The following TRMO variants were observed in gnomAD, a reference collection of about 807,000 sequenced individuals.
TRMO encodes the protein tRNA methyltransferase O.
TRMO carries 30 observed loss-of-function variants against 37.2 expected under a neutral mutation model. The ratio of observed to expected loss-of-function variants is 0.81; its 90% confidence interval spans 0.60 to 1.09. TRMO has a LOEUF of 1.09. TRMO is among the 50% of genes least tolerant of loss of function. The pLI is 0.00. For missense variants in TRMO, 552 were observed against 549.5 expected (o/e 1.00, Z -0.05); for synonymous variants, 239 against 199.4 (o/e 1.20, Z -1.67).
chr9:97,922,376 TA>T (rs970705746), intron 1 of TRMO, 41 bp downstream of exon 1: 5 of 1,396,872 alleles, frequency 3.6e-6, no homozygotes, highest in Non-Finnish European at 4.0e-6. Flanking sequence ...TGCCTGGGCC[TA>T]AACCTCTCCA....
intron 1 of TRMO, among the ~76,000 whole-genome samples, chr9:97,921,961 G>A (rs1367758727): frequency 6.6e-6 from 1 of 152,116 alleles, no homozygotes; most frequent in Non-Finnish European, 1.5e-5. Context: ...TGTGAGTAAA[G>A]AGAAACAAAT....
intron 2 of TRMO, 93 bp downstream of exon 2, chr9:97,916,071 G>A (rs1826344700): frequency 2.3e-6 from 2 of 865,572 alleles, no homozygotes; most frequent in Admixed American, 5.4e-5. Context: ...GGGTGGTCTG[G>A]ATGGCAGACT....
downstream of TRMO, among the ~76,000 whole-genome samples, chr9:97,903,306 C>A (rs931150884): frequency 6.6e-6 from 1 of 152,018 alleles, no homozygotes; most frequent in Admixed American, 6.6e-5. Context: ...ATTAAAGATA[C>A]CTCCCCAAGA....
chr9:97,919,822 CCTT>C (rs1337142820), intron 1 of TRMO, among the ~76,000 whole-genome samples: 1 of 152,192 alleles, frequency 6.6e-6, no homozygotes, highest in Non-Finnish European at 1.5e-5. Flanking sequence ...TTGTGCATCT[CCTT>C]AAGAACATAA....
At chr9:97,909,699 T>C (rs1200756699) in intron 4 of TRMO, among the ~76,000 whole-genome samples, 2 of 152,238 alleles carry the variant, frequency 1.3e-5, no homozygotes, top group East Asian at 1.9e-4. Flanking sequence ...CAAGGGGCTG[T>C]AAGTCATAGG....
At position 97,910,079 on chromosome 9, in the gene TRMO, C is replaced by T. The variant is rs1199726540; in HGVS notation, c.947G>A (p.Arg316Lys). Residue 316 changes from arginine (R) to lysine (K), a missense_variant, in exon 4 of 5, where the codon AGG becomes AAG. Arg to Lys is a conservative substitution (Grantham distance 26). Transcript: ENST00000375119. ...CACGCTGCGGGGAGCTCCATCAGCC[C>T]TTCCAGCAGGGCAGTGAGGGGCCAT... ...QPMAPHCPAG[R>K]ADGAPRSVVP... 16 of 1,613,786 alleles carry T rather than the reference C, an allele frequency of 9.9e-6. No homozygotes were observed. The highest frequency in any genetic ancestry group is 3.3e-4 in the Middle Eastern group (2 of 6,062).
intron 1 of TRMO, among the ~76,000 whole-genome samples, chr9:97,921,899 T>C (rs1160156684): frequency 6.6e-6 from 1 of 152,226 alleles, no homozygotes; most frequent in Non-Finnish European, 1.5e-5. Flanking sequence ...ATTTTAATTT[T>C]CTTCCATTTG....
intron 3 of TRMO, chr9:97,911,940 G>A (rs1826144283): frequency 6.6e-6 from 1 of 152,194 alleles, no homozygotes; most frequent in African/African-American, 2.4e-5. Context: ...CTGGAACTCT[G>A]GAAAGATGAT....
At chr9:97,915,215 C>G (rs1235229391) in intron 2 of TRMO, among the ~76,000 whole-genome samples, 2 of 152,150 alleles carry the variant, frequency 1.3e-5, no homozygotes, top group Non-Finnish European at 2.9e-5. Flanking sequence ...AACACAGGCC[C>G]TAATATAGGT....
At chr9:97,913,329 GGTGAAT>G in intron 3 of TRMO, 66 bp downstream of exon 3, 1 of 1,573,468 alleles carries the variant, frequency 6.4e-7, no homozygotes, top group Non-Finnish European at 8.7e-7. Flanking sequence ...AACAGCCAGT[GGTGAAT>G]GCTGTTTATT....
In TRMO at chr9:97,904,928, A is replaced by G. The variant is rs976509926; in HGVS notation, c.1131T>C (p.Ala377=). The G allele has an allele frequency of 6.2e-7, 1 of 1,614,128 alleles. No individual in the cohort carries two copies. The highest frequency in any genetic ancestry group is 1.3e-5 in the African/African-American group (1 of 74,936). ...SAEEAKRAIE[A]VLSADPRSVY... ...CAGACCGAGGATCCGCTGACAGCAC[A>G]GCCTCAATGGCACGCTTTGCTTCCT... The change falls in exon 5 of 5, where the codon GCT becomes GCC. Residue 377 remains alanine, a synonymous_variant. Transcript: ENST00000375119.
downstream of TRMO, chr9:97,900,731 G>T: frequency 1.0e-6 from 1 of 974,198 alleles, no homozygotes; most frequent in Non-Finnish European, 1.2e-6. Context: ...TTCAGTAAGT[G>T]ATGCAGGCTT....
chr9:97,904,635 A>G lies in TRMO; in HGVS notation c.*98T>C, dbSNP rs1825777581. The G allele has an allele frequency of 6.5e-6, 10 of 1,542,738 alleles. No individual in the cohort carries two copies. The East Asian group carries it at 1.8e-4, about 28-fold the overall frequency. ...AAATCAATCAAAGCCATGAGATCAC[A>G]AAGTGTTGCTTCTCGACACAACATT... On this transcript the variant is annotated 3_prime_UTR_variant, in exon 5 of 5. Transcript: ENST00000375119.
downstream of TRMO, among the ~76,000 whole-genome samples, chr9:97,900,340 C>A (rs1486594284): frequency 6.6e-6 from 1 of 152,230 alleles, no homozygotes; most frequent in Non-Finnish European, 1.5e-5. Flanking sequence ...TAGCCCATGG[C>A]AGGGCAGAAA....
Position 97,904,722 on chromosome 9 carries a change from A to G in TRMO, c.*11T>C, listed in dbSNP as rs371857210. 1.9e-6 allele frequency: 3 copies of G among 1,613,074 alleles called. No homozygotes were observed. Among genetic ancestry groups the G allele is most frequent in the Non-Finnish European group, 2.5e-6 (3 of 1,179,736 alleles). On this transcript the variant is annotated 3_prime_UTR_variant, in exon 5 of 5. Transcript: ENST00000375119. ...TCAATGATGCTACCTTAAAGACATG[A>G]GGGAGGCTCCTTAAGACCCTAGAGA...
intron 1 of TRMO, among the ~76,000 whole-genome samples, chr9:97,921,963 G>A (rs975675794): frequency 6.6e-6 from 1 of 152,112 alleles, no homozygotes; most frequent in African/African-American, 2.4e-5. Context: ...TGAGTAAAGA[G>A]AAACAAATTC....
At chr9:97,898,533 A>G in the TRMO span, among the ~76,000 whole-genome samples, 3 of 151,874 alleles carry the variant, frequency 2.0e-5, no homozygotes, top group African/African-American at 7.3e-5. Flanking sequence ...ATATATATAC[A>G]TTTGTATATA....
chr9:97,906,036 C>T (rs552032321), intron 4 of TRMO, among the ~76,000 whole-genome samples: 11 of 151,770 alleles, frequency 7.2e-5, no homozygotes, highest in South Asian at 6.2e-4. Context: ...TGGTGGCGCA[C>T]GCCTGTAATT....
At chr9:97,907,895 C>T (rs1479964944) in intron 4 of TRMO, among the ~76,000 whole-genome samples, 1 of 152,156 alleles carries the variant, frequency 6.6e-6, no homozygotes, top group African/African-American at 2.4e-5. Flanking sequence ...CCAGCATGTC[C>T]TTTCTCTGGA....
Sources: gnomAD v4.1 joint callset for allele counts (sites outside exome capture counted in the v4.1 genomes callset) on GRCh38, gnomAD v4.1.1 for gene constraint, MANE v1.5 for transcripts, NCBI Gene and HGNC (gene_info 2026-07-23, HGNC 2026-07-21) for gene names.